The following NRXN3 variants were observed in gnomAD, a reference collection of about 807,000 sequenced individuals.
NRXN3 encodes neurexin 3.
A neutral mutation model predicts 137.6 loss-of-function variants in NRXN3; 32 were observed. The ratio of observed to expected loss-of-function variants is 0.23; its 90% CI spans 0.18 to 0.31. The LOEUF (loss-of-function observed/expected upper bound fraction) is 0.31. Ranked by LOEUF, NRXN3 falls within the 10% of genes least tolerant of loss-of-function variation. NRXN3 has a pLI of 1.00. For synonymous variants in NRXN3, 798 were observed against 784.5 expected (o/e 1.02, Z -0.29); for missense variants, 1,574 against 2,062.5 (o/e 0.76, Z 4.59).
chr14:78,646,680 T>G (rs1566966052), intron 5 of NRXN3, among the ~76,000 whole-genome samples: 1 of 152,236 alleles, frequency 6.6e-6, no homozygotes, highest in Admixed American at 6.5e-5. Context: ...TACATTTATC[T>G]CAGGTAAAAA....
At chr14:78,347,824 A>G (rs1289018483) in intron 4 of NRXN3, among the ~76,000 whole-genome samples, 1 of 152,114 alleles carries the variant, frequency 6.6e-6, no homozygotes, top group East Asian at 1.9e-4. Flanking sequence ...TTTCCTCACC[A>G]TTGAAAGGGA....
At chr14:79,490,461 C>T (rs948668683) in intron 16 of NRXN3, among the ~76,000 whole-genome samples, 2 of 152,116 alleles carry the variant, frequency 1.3e-5, no homozygotes, top group African/African-American at 2.4e-5. Context: ...GGTACATATA[C>T]ACAATGGAGT....
chr14:79,687,814 T>G (rs2098701481), intron 17 of NRXN3, among the ~76,000 whole-genome samples: 3 of 152,212 alleles, frequency 2.0e-5, no homozygotes. Context: ...TCATTACCTG[T>G]GGCTGGACCA....
rs556848165 is a variant in NRXN3, at chr14:79,726,026, G to C, written c.4014+28089G>C. Among the ~76,000 whole-genome samples, 10 of 152,228 alleles carry C rather than the reference G, an allele frequency of 6.6e-5. No homozygotes were observed. In the East Asian group the frequency reaches 1.9e-3, roughly 29 times the overall value. On this transcript the variant is annotated intron_variant, in intron 19 of 20. Coordinates refer to ENST00000335750, the MANE Select transcript of NRXN3 (RefSeq NM_001330195.2). ...CCAAGGAGATGATGGAGTGAAATCA[G>C]ACACATTTTGGGAAGAAATTCCTAC...
In NRXN3 at chr14:78,483,664, G is replaced by GA. The variant is rs1184032342; in HGVS notation, c.758-161449dup. Among the ~76,000 whole-genome samples the GA allele has an allele frequency of 8.5e-5, 13 of 152,262 alleles. 1 individual carries two copies. In the South Asian group the frequency reaches 2.5e-3, roughly 29 times the overall value. ...TTGTTCCTCTTTCCAATGGCATAGA[G>GA]AAAAAAATAAAATTTAGGCAGAATT... is the stretch of plus-strand genomic sequence containing the variant. On this transcript the variant is annotated intron_variant, in intron 4 of 20. Coordinates refer to ENST00000335750, the MANE Select transcript of NRXN3 (RefSeq NM_001330195.2).
intron 15 of NRXN3, among the ~76,000 whole-genome samples, chr14:79,349,581 CACACACAG>C (rs2093099950): frequency 7.6e-6 from 1 of 131,456 alleles, no homozygotes; most frequent in African/African-American, 2.7e-5. Context: ...CACACACACA[CACACACAG>C]ACAATATTAT....
At chr14:79,806,319 A>T (rs1296098018) in intron 20 of NRXN3, among the ~76,000 whole-genome samples, 1 of 152,178 alleles carries the variant, frequency 6.6e-6, no homozygotes, top group Non-Finnish European at 1.5e-5. Context: ...CCCCTAAATG[A>T]TTTACAAGAT....
chr14:78,651,156 C>G lies in NRXN3; in HGVS notation c.1060-9C>G, dbSNP rs2097738639. On this transcript the variant is annotated splice_polypyrimidine_tract_variant and intron_variant, in intron 5 of 20. Transcript: ENST00000335750. ...TGGGATTTTTTTTGTCCCTATGTCCCTCCACCAGGTGACAATCTCTGTGGA... is the reference window on the plus strand; with the variant it reads ...TGGGATTTTTTTTGTCCCTATGTCCGTCCACCAGGTGACAATCTCTGTGGA... 1.2e-6 allele frequency: 2 copies of G among 1,612,176 alleles called. No homozygotes were observed. The highest frequency in any genetic ancestry group is 3.3e-5 in the Admixed American group (2 of 59,958).
chr14:79,481,104 T>C (rs557300365), intron 16 of NRXN3, among the ~76,000 whole-genome samples: 1 of 151,722 alleles, frequency 6.6e-6, no homozygotes, highest in South Asian at 2.1e-4. Context: ...GTGAAAAGGA[T>C]AGACAAACTC....
At chr14:78,532,929 A>T (rs2153813351) in intron 4 of NRXN3, among the ~76,000 whole-genome samples, 1 of 152,066 alleles carries the variant, frequency 6.6e-6, no homozygotes, top group Admixed American at 6.6e-5. Context: ...TGTCTCAGAA[A>T]CGTCACATCT....
chr14:79,324,097 G>A (rs1051517999), intron 15 of NRXN3, among the ~76,000 whole-genome samples: 2 of 152,224 alleles, frequency 1.3e-5, no homozygotes, highest in Non-Finnish European at 2.9e-5. Flanking sequence ...CTAAGTTCAG[G>A]TGTGGAAGCC....
chr14:79,303,307 A>G (rs919806721), intron 15 of NRXN3, among the ~76,000 whole-genome samples: 3 of 152,086 alleles, frequency 2.0e-5, no homozygotes, highest in African/African-American at 7.2e-5. Context: ...GTTATCAGCA[A>G]GAAACTAAAA....
At chr14:78,605,894 A>G (rs766803290) in intron 4 of NRXN3, among the ~76,000 whole-genome samples, 8 of 152,198 alleles carry the variant, frequency 5.3e-5, no homozygotes, top group Non-Finnish European at 1.2e-4. Context: ...TAAAATAATC[A>G]CAAAGTTCAA....
chr14:79,632,557 C>G (rs1022246918), intron 16 of NRXN3, among the ~76,000 whole-genome samples: 2 of 152,154 alleles, frequency 1.3e-5, no homozygotes, highest in African/African-American at 4.8e-5. Context: ...TGGTTGTTCA[C>G]TGAGAGCAAT....
chr14:78,911,412 T>C (rs2099237232), intron 10 of NRXN3, among the ~76,000 whole-genome samples: 1 of 152,214 alleles, frequency 6.6e-6, no homozygotes, highest in South Asian at 2.1e-4. Context: ...AGATGCCTCA[T>C]AATAATACCA....
chr14:79,359,943 C>T (rs865780497), intron 15 of NRXN3, among the ~76,000 whole-genome samples: 5 of 152,064 alleles, frequency 3.3e-5, no homozygotes, highest in South Asian at 2.1e-4. Context: ...AGAACAGATA[C>T]GCATTGAAAG....
At chr14:78,352,624 G>T (rs749922389) in intron 4 of NRXN3, among the ~76,000 whole-genome samples, 3 of 152,156 alleles carry the variant, frequency 2.0e-5, no homozygotes, top group Non-Finnish European at 4.4e-5. Flanking sequence ...GGACATCAGG[G>T]CACAAAAAGC....
At chr14:79,422,646 T>C (rs1025646892) in intron 15 of NRXN3, among the ~76,000 whole-genome samples, 7 of 151,752 alleles carry the variant, frequency 4.6e-5, no homozygotes, top group Non-Finnish European at 7.4e-5. Context: ...AGTGATAAGA[T>C]GGATGGCTGT....
At chr14:78,526,455 G>T (rs1253747257) in intron 4 of NRXN3, among the ~76,000 whole-genome samples, 1 of 152,204 alleles carries the variant, frequency 6.6e-6, no homozygotes, top group Non-Finnish European at 1.5e-5. Flanking sequence ...CTATATTCCA[G>T]TGTGACATCT....
Sources: gnomAD v4.1 joint callset for allele counts (sites outside exome capture counted in the v4.1 genomes callset) on GRCh38, gnomAD v4.1.1 for gene constraint, MANE v1.5 for transcripts, NCBI Gene and HGNC (gene_info 2026-07-23, HGNC 2026-07-21) for gene names.